The following MME variants were observed in gnomAD, a reference collection of about 807,000 sequenced individuals.
MME encodes membrane metalloendopeptidase, also known as neprilysin.
Under a neutral mutation model 113.2 loss-of-function variants are expected in MME, and 98 were observed. The observed-to-expected ratio is 0.87, with a 90% CI of 0.74 to 1.02. The LOEUF (loss-of-function observed/expected upper bound fraction) is 1.02. Ranked by LOEUF, MME falls within the 50% of genes least tolerant of loss-of-function variation. MME has a pLI of 0.00. For missense variants in MME, 836 were observed against 896.0 expected, an observed-to-expected ratio of 0.93 and a Z score of 0.86; for synonymous variants, 292 against 300.6, an observed-to-expected ratio of 0.97 and a Z score of 0.30.
upstream of MME, among the ~76,000 whole-genome samples, chr3:155,075,198 CT>C (rs956202105): frequency 1.3e-5 from 2 of 151,362 alleles, no homozygotes; most frequent in Admixed American, 6.6e-5. Flanking sequence ...TGATTAATCT[CT>C]TTTTTTGGTA....
chr3:155,031,706 G>GC (rs1448176444), intron 1 of MME, among the ~76,000 whole-genome samples: 1 of 152,204 alleles, frequency 6.6e-6, no homozygotes, highest in Non-Finnish European at 1.5e-5. Flanking sequence ...CGCCCAGGCT[G>GC]AAGTGCAGTG....
intron 3 of MME, among the ~76,000 whole-genome samples, chr3:155,114,613 G>A (rs1466244099): frequency 1.3e-5 from 2 of 152,150 alleles, no homozygotes; most frequent in Non-Finnish European, 2.9e-5. Flanking sequence ...AGCAGAGTTG[G>A]CAACTAAAGT....
intron 1 of MME, among the ~76,000 whole-genome samples, chr3:155,044,803 TAAA>T (rs1713493196): frequency 2.0e-5 from 3 of 152,254 alleles, no homozygotes; most frequent in Non-Finnish European, 2.9e-5. Context: ...TTCTAGCATG[TAAA>T]TATAGTTGCA....
rs1280378056 is a variant in MME, at chr3:155,172,549, C to T, written c.2090C>T (p.Thr697Ile). The T allele has an allele frequency of 6.2e-7, 1 of 1,612,212 alleles. No homozygotes were observed. Among genetic ancestry groups the T allele is most frequent in the Non-Finnish European group, 8.5e-7 (1 of 1,178,530 alleles). Reference protein sequence around the residue: ...FLNFAQVWCGTYRPEYAVNSI... With the variant: ...FLNFAQVWCGIYRPEYAVNSI... ...TCCTATCTCTAGGTGTGGTGTGGAA[C>T]CTATAGGCCAGAGTATGCGGTTAAC... is the stretch of plus-strand genomic sequence containing the variant. The change falls in exon 22 of 23, where the codon ACC becomes ATC. Residue 697 changes from threonine to isoleucine, a missense_variant. Coordinates refer to ENST00000360490, the MANE Select transcript of MME (RefSeq NM_007289.4).
intron 7 of MME, among the ~76,000 whole-genome samples, chr3:155,117,203 C>T (rs528334813): frequency 1.3e-5 from 2 of 152,284 alleles, no homozygotes; most frequent in East Asian, 3.9e-4. Flanking sequence ...CTTCTGCTAC[C>T]TCTGTTTTAG....
chr3:155,084,063 CTG>C (rs1715419620), intron 1 of MME, 93 bp from the exon 2 acceptor site: 16 of 1,136,556 alleles, frequency 1.4e-5, no homozygotes, highest in Non-Finnish European at 2.1e-5. Flanking sequence ...TTTAAAATAA[CTG>C]AGCCTTTTAC....
At chr3:155,105,507 C>G (rs1717612454) in intron 3 of MME, among the ~76,000 whole-genome samples, 1 of 152,098 alleles carries the variant, frequency 6.6e-6, no homozygotes, top group Non-Finnish European at 1.5e-5. Flanking sequence ...CACCCCATAC[C>G]TAGATTTTCT....
chr3:155,065,160 C>G (rs149922508), intron 1 of MME, among the ~76,000 whole-genome samples: 1 of 152,238 alleles, frequency 6.6e-6, no homozygotes, highest in East Asian at 1.9e-4. Flanking sequence ...AGTAAAGTAT[C>G]CTTTGGCACT....
At chr3:155,041,042 C>T (rs1713301205) in intron 1 of MME, among the ~76,000 whole-genome samples, 1 of 152,156 alleles carries the variant, frequency 6.6e-6, no homozygotes, top group Non-Finnish European at 1.5e-5. Flanking sequence ...GACTCTCCCA[C>T]ACAACAGAGA....
At chr3:155,142,360 C>T in intron 12 of MME, 30 bp downstream of exon 12, 1 of 1,549,678 alleles carries the variant, frequency 6.5e-7, no homozygotes, top group African/African-American at 1.4e-5. Flanking sequence ...TTTCTTAAGA[C>T]TTAAAGCATA....
At chr3:155,099,586 CA>C (rs765774286) in intron 3 of MME, among the ~76,000 whole-genome samples, 18 of 152,166 alleles carry the variant, frequency 1.2e-4, no homozygotes, top group Non-Finnish European at 1.8e-4. Flanking sequence ...TAAAAACAAG[CA>C]AGCCAAGTAT....
intron 1 of MME, among the ~76,000 whole-genome samples, chr3:155,054,255 C>G (rs1406887572): frequency 6.6e-6 from 1 of 151,988 alleles, no homozygotes; most frequent in Non-Finnish European, 1.5e-5. Context: ...TATTTTAGTG[C>G]TTTTTATGTA....
intron 14 of MME, among the ~76,000 whole-genome samples, 197 bp downstream of exon 14, chr3:155,144,654 A>G (rs1008238087): frequency 1.3e-5 from 2 of 152,212 alleles, no homozygotes; most frequent in African/African-American, 4.8e-5. Flanking sequence ...CTCTGCAACC[A>G]ATACTCTAGC....
At chr3:155,037,781 T>G (rs377408166) in intron 1 of MME, among the ~76,000 whole-genome samples, 1 of 152,130 alleles carries the variant, frequency 6.6e-6, no homozygotes, top group Non-Finnish European at 1.5e-5. Flanking sequence ...TGGGGAAACA[T>G]TGGATTTGGC....
intron 8 of MME, among the ~76,000 whole-genome samples, chr3:155,127,810 C>T (rs1719810162): frequency 6.6e-6 from 1 of 152,136 alleles, no homozygotes; most frequent in Non-Finnish European, 1.5e-5. Context: ...AACTTTGGTC[C>T]TTCTCTCTTC....
chr3:155,145,765 G>C (rs753701593), intron 14 of MME, among the ~76,000 whole-genome samples: 1 of 152,112 alleles, frequency 6.6e-6, no homozygotes, highest in Non-Finnish European at 1.5e-5. Context: ...TTTTTTGTGT[G>C]TTTACTACCT....
intron 20 of MME, among the ~76,000 whole-genome samples, chr3:155,169,132 G>T (rs1711632104): frequency 6.6e-6 from 1 of 152,136 alleles, no homozygotes; most frequent in African/African-American, 2.4e-5. Context: ...TAGAAGAAAT[G>T]TCCCATAAGA....
At chr3:155,031,929 G>A (rs1054160246) in intron 1 of MME, among the ~76,000 whole-genome samples, 1 of 152,210 alleles carries the variant, frequency 6.6e-6, no homozygotes, top group Non-Finnish European at 1.5e-5. Context: ...AAAGTGCTGG[G>A]ATAACAGGCA....
chr3:155,144,485 GAAAA>G (rs754609129), intron 14 of MME, 28 bp downstream of exon 14: 18 of 1,437,406 alleles, frequency 1.3e-5, no homozygotes, highest in Non-Finnish European at 1.7e-5. Flanking sequence ...AACTAGCAAA[GAAAA>G]ATCTTTGCTA....
Sources: gnomAD v4.1 joint callset for allele counts (sites outside exome capture counted in the v4.1 genomes callset) on GRCh38, gnomAD v4.1.1 for gene constraint, MANE v1.5 for transcripts, NCBI Gene and HGNC (gene_info 2026-07-23, HGNC 2026-07-21) for gene names.